Variants in PPFIBP2 observed in about 807,000 individuals in gnomAD.
PPFIBP2 encodes the protein liprin-beta-2.
Under a neutral mutation model 118.3 loss-of-function variants are expected in PPFIBP2, and 118 were observed. The observed-to-expected ratio is 1.00, with a 90% confidence interval of 0.86 to 1.16. The LOEUF is 1.16. Among genes scored for constraint, PPFIBP2 ranks in the 50% most tolerant of loss-of-function variants. PPFIBP2 has a pLI of 0.00. For synonymous variants in PPFIBP2, 414 were observed against 397.4 expected (o/e 1.04, Z -0.50); for missense variants, 1,195 against 1,073.1 (o/e 1.11, Z -1.59).
downstream of PPFIBP2, among the ~76,000 whole-genome samples, chr11:7,654,247 GCTGA>G (rs1565137256): frequency 6.6e-6 from 1 of 152,162 alleles, no homozygotes; most frequent in Non-Finnish European, 1.5e-5. Flanking sequence ...TGATTTAGAG[GCTGA>G]CTGACTGATA....
At chr11:7,634,004 C>CA (rs776115598) in intron 12 of PPFIBP2, among the ~76,000 whole-genome samples, 1 of 152,234 alleles carries the variant, frequency 6.6e-6, no homozygotes, top group Admixed American at 6.5e-5. Flanking sequence ...GATGGGCATG[C>CA]AGATCCAGAG....
chr11:7,628,019 T>C (rs1176352742), intron 8 of PPFIBP2, among the ~76,000 whole-genome samples: 1 of 152,214 alleles, frequency 6.6e-6, no homozygotes, highest in Non-Finnish European at 1.5e-5. Flanking sequence ...TTTGGCTTCC[T>C]CTGTCCTCTC....
chr11:7,664,529 A>ACAAC, the PPFIBP2 span, among the ~76,000 whole-genome samples: 1 of 152,208 alleles, frequency 6.6e-6, no homozygotes, highest in African/African-American at 2.4e-5. Flanking sequence ...TCTGTAGCTG[A>ACAAC]CAACCAACAT....
Position 7,616,311 on chromosome 11 carries a change from A to G in PPFIBP2, c.619-4624A>G, listed in dbSNP as rs917223631. ...AGGAAAATCAAATGAGTTGCTAGAA[A>G]ACTGGAAATGAACCATTTCCTTCTT... On this transcript the variant is annotated intron_variant, in intron 6 of 23. Transcript: ENST00000299492. This position sits in a 1 kb window ranked among gnomAD's most constrained non-coding sequence, Gnocchi z 5.2. Among the ~76,000 whole-genome samples, 7 of 152,358 alleles carry G rather than the reference A, an allele frequency of 4.6e-5. No homozygotes were observed. The highest frequency in any genetic ancestry group is 1.4e-4 in the African/African-American group (6 of 41,580).
intron 1 of PPFIBP2, among the ~76,000 whole-genome samples, chr11:7,514,506 G>C (rs528656289): frequency 6.3e-4 from 96 of 152,366 alleles, no homozygotes; most frequent in Non-Finnish European, 1.0e-3. Flanking sequence ...GTGGACTAGG[G>C]AGCCTAAGGA....
chr11:7,608,633 G>A (rs976819980), intron 5 of PPFIBP2, among the ~76,000 whole-genome samples: 1 of 151,744 alleles, frequency 6.6e-6, no homozygotes, highest in Non-Finnish European at 1.5e-5. Context: ...AGAGCGAAAC[G>A]CTGTCTCAAA....
downstream of PPFIBP2, among the ~76,000 whole-genome samples, chr11:7,656,415 G>A (rs972725735): frequency 1.1e-4 from 17 of 152,298 alleles, no homozygotes; most frequent in African/African-American, 3.6e-4. Flanking sequence ...CTCCAAACAG[G>A]ATCAGTTTTA....
chr11:7,542,679 C>T (rs1244555192), intron 1 of PPFIBP2, among the ~76,000 whole-genome samples: 1 of 152,202 alleles, frequency 6.6e-6, no homozygotes, highest in Non-Finnish European at 1.5e-5. Context: ...TTCAGATGCA[C>T]CAGGTGTTCT....
rs558980171 is a variant in PPFIBP2 at position 7,630,240 on chromosome 11, A to C, written c.965-685A>C. Among the ~76,000 whole-genome samples, 11 of 152,356 alleles carry C rather than the reference A, an allele frequency of 7.2e-5. No homozygotes were observed. The South Asian group carries it at 2.1e-3, about 29-fold the overall frequency. On this transcript the variant is annotated intron_variant, in intron 10 of 23. Coordinates refer to ENST00000299492, the MANE Select transcript of PPFIBP2 (RefSeq NM_003621.5). ...TGAGCTTCTGCTGCTTCTTGGGAAG[A>C]AGCCAAGCCTCTGCCAGGATGTGAC...
intron 3 of PPFIBP2, among the ~76,000 whole-genome samples, chr11:7,583,366 C>A (rs930314486): frequency 6.6e-6 from 1 of 152,180 alleles, no homozygotes; most frequent in African/African-American, 2.4e-5. Context: ...CTAAAGCCTC[C>A]AGGGGAGCTA....
At chr11:7,581,141 C>T (rs1219947118) in intron 3 of PPFIBP2, among the ~76,000 whole-genome samples, 1 of 152,220 alleles carries the variant, frequency 6.6e-6, no homozygotes, top group African/African-American at 2.4e-5. Context: ...TCCTAACAGA[C>T]AAAGCCTAGG....
At chr11:7,563,227 G>A (rs1000116571) in intron 2 of PPFIBP2, among the ~76,000 whole-genome samples, 7 of 152,150 alleles carry the variant, frequency 4.6e-5, no homozygotes, top group East Asian at 1.9e-4. Flanking sequence ...GGATGGCTAC[G>A]TGTTTAAAAT....
At chr11:7,602,785 T>C (rs12292613) in intron 5 of PPFIBP2, among the ~76,000 whole-genome samples, 1 of 152,030 alleles carries the variant, frequency 6.6e-6, no homozygotes, top group African/African-American at 2.4e-5. Context: ...TCATTTTTTT[T>C]ACTTTTAGGT....
chr11:7,657,500 C>T (rs1854778467), downstream of PPFIBP2, among the ~76,000 whole-genome samples: 1 of 152,198 alleles, frequency 6.6e-6, no homozygotes, highest in Non-Finnish European at 1.5e-5. Context: ...CCAGGCCTTG[C>T]CCTTGGAGCA....
chr11:7,596,841 A>G (rs1351471231), intron 4 of PPFIBP2, among the ~76,000 whole-genome samples: 1 of 152,246 alleles, frequency 6.6e-6, no homozygotes, highest in Non-Finnish European at 1.5e-5. Flanking sequence ...CATTGTTAAT[A>G]TATAGTTAGT....
chr11:7,523,554 G>A (rs1849956435), intron 1 of PPFIBP2, among the ~76,000 whole-genome samples: 1 of 152,086 alleles, frequency 6.6e-6, no homozygotes, highest in Non-Finnish European at 1.5e-5. Flanking sequence ...ATATGTGCAC[G>A]AGCCTGCTCA....
At chr11:7,571,971 T>C (rs1015254687) in intron 3 of PPFIBP2, 1 of 152,232 alleles carries the variant, frequency 6.6e-6, no homozygotes, top group Non-Finnish European at 1.5e-5. Flanking sequence ...TAAGCACCTC[T>C]CATTATTGAA....
At chr11:7,517,141 G>A (rs972199936) in intron 1 of PPFIBP2, among the ~76,000 whole-genome samples, 1 of 152,280 alleles carries the variant, frequency 6.6e-6, no homozygotes, top group Admixed American at 6.5e-5. Flanking sequence ...TTATTAGTGG[G>A]ATAACACAGG....
intron 1 of PPFIBP2, among the ~76,000 whole-genome samples, chr11:7,545,986 C>G (rs1250967308): frequency 6.6e-6 from 1 of 152,192 alleles, no homozygotes; most frequent in Non-Finnish European, 1.5e-5. Context: ...TGGAATGGAA[C>G]TTCTATAAGA....
Sources: gnomAD v4.1 joint callset for allele counts (sites outside exome capture counted in the v4.1 genomes callset) on GRCh38, gnomAD v4.1.1 for gene constraint, Gnocchi (gnomAD v3.1) non-coding constraint, MANE v1.5 for transcripts, NCBI Gene and HGNC (gene_info 2026-07-23, HGNC 2026-07-21) for gene names.